The following WARS2 variants were observed in gnomAD, a reference collection of about 807,000 sequenced individuals.
WARS2 encodes the protein tryptophan--tRNA ligase, mitochondrial.
Under a neutral mutation model 36.5 loss-of-function variants are expected in WARS2, and 28 were observed. The ratio of observed to expected loss-of-function variants is 0.77; its 90% confidence interval spans 0.57 to 1.05. The LOEUF is 1.05. WARS2 is among the 50% of genes least tolerant of loss of function. The pLI is 0.00. For missense variants in WARS2, 435 were observed against 456.8 expected, an observed-to-expected ratio of 0.95 and a Z score of 0.44; for synonymous variants, 174 against 178.4, an observed-to-expected ratio of 0.98 and a Z score of 0.20.
intron 2 of WARS2, among the ~76,000 whole-genome samples, chr1:119,075,534 T>G (rs1262421731): frequency 6.6e-6 from 1 of 152,170 alleles, no homozygotes; most frequent in Non-Finnish European, 1.5e-5. Context: ...AAAACATATA[T>G]AAAAATAATG....
intron 1 of WARS2, among the ~76,000 whole-genome samples, chr1:119,089,439 C>T (rs1652894139): frequency 6.6e-6 from 1 of 152,114 alleles, no homozygotes; most frequent in South Asian, 2.1e-4. Flanking sequence ...GGTTATAAAC[C>T]ATGGCTGAGA....
chr1:119,061,043 G>A (rs1434971245), intron 2 of WARS2, among the ~76,000 whole-genome samples: 1 of 152,022 alleles, frequency 6.6e-6, no homozygotes, highest in Non-Finnish European at 1.5e-5. Context: ...AGACAATTTG[G>A]GGCTTGAGCC....
At chr1:119,094,043 A>C (rs1230397539) in intron 1 of WARS2, among the ~76,000 whole-genome samples, 1 of 152,238 alleles carries the variant, frequency 6.6e-6, no homozygotes, top group Non-Finnish European at 1.5e-5. Context: ...CATGTCAAAT[A>C]AACAAACAGC....
intron 1 of WARS2, among the ~76,000 whole-genome samples, chr1:119,132,749 T>C (rs1656206938): frequency 6.6e-6 from 1 of 152,196 alleles, no homozygotes; most frequent in Admixed American, 6.5e-5. Context: ...GTTTGATGTA[T>C]AAAATGAATT....
intron 2 of WARS2, among the ~76,000 whole-genome samples, chr1:119,048,245 G>A (rs1649021736): frequency 6.6e-6 from 1 of 152,204 alleles, no homozygotes; most frequent in Admixed American, 6.5e-5. Context: ...GAGGTTGCCT[G>A]GATCTGAATG....
rs960536067 is a variant in WARS2 at position 119,039,867 on chromosome 1, G to GA, written c.515+2396dup. Reference sequence around the variant, plus strand: ...AGGTCACACATAGATTTGCTGATAGGAAAAAAAAAACACAGATGTTTTATC... The same window carrying GA: ...AGGTCACACATAGATTTGCTGATAGGAAAAAAAAAAACACAGATGTTTTATC... On this transcript the variant is annotated intron_variant, in intron 4 of 5. Coordinates refer to ENST00000235521, the MANE Select transcript of WARS2 (RefSeq NM_015836.4). Among the ~76,000 whole-genome samples, 95 of 147,198 alleles carry GA rather than the reference G, an allele frequency of 6.5e-4. 1 individual carries two copies. The South Asian group carries it at 8.4e-3, about 13-fold the overall frequency.
At chr1:119,140,509 C>G in intron 1 of WARS2, 46 bp downstream of exon 1, 1 of 1,579,736 alleles carries the variant, frequency 6.3e-7, no homozygotes, top group South Asian at 1.1e-5. Context: ...ATGAGAAGAA[C>G]CTCGCGGGAT....
intron 2 of WARS2, among the ~76,000 whole-genome samples, chr1:119,053,409 A>G (rs1649528279): frequency 6.6e-6 from 1 of 152,210 alleles, no homozygotes; most frequent in African/African-American, 2.4e-5. Flanking sequence ...ATAAAAATGA[A>G]TAACTGGGAA....
At chr1:119,100,745 C>T (rs755504273) in intron 1 of WARS2, among the ~76,000 whole-genome samples, 7 of 152,150 alleles carry the variant, frequency 4.6e-5, no homozygotes, top group Admixed American at 1.3e-4. Flanking sequence ...ACTGTAGCTT[C>T]GACCTCCCAA....
chr1:119,095,304 TTAG>T (rs1200460837), intron 1 of WARS2, among the ~76,000 whole-genome samples: 2 of 152,362 alleles, frequency 1.3e-5, no homozygotes, highest in African/African-American at 2.4e-5. Context: ...ATTTATTAAC[TTAG>T]TAGTTTAGTC....
chr1:119,131,661 C>CCG (rs1341729191), intron 1 of WARS2, among the ~76,000 whole-genome samples: 4 of 151,984 alleles, frequency 2.6e-5, no homozygotes, highest in Non-Finnish European at 5.9e-5. Context: ...TGAGGTTTCA[C>CCG]CGTGTTAGCC....
At chr1:119,049,494 T>C (rs183212581) in intron 2 of WARS2, among the ~76,000 whole-genome samples, 2 of 152,340 alleles carry the variant, frequency 1.3e-5, no homozygotes, top group East Asian at 1.9e-4. Context: ...AAAATATGTA[T>C]AGTTGATGCC....
chr1:119,116,260 G>A (rs1244405116), intron 1 of WARS2, among the ~76,000 whole-genome samples: 4 of 152,162 alleles, frequency 2.6e-5, no homozygotes, highest in African/African-American at 9.7e-5. Flanking sequence ...ACAATGAGGA[G>A]GAGGGCTCAG....
At chr1:119,070,590 T>C (rs766212499) in intron 2 of WARS2, among the ~76,000 whole-genome samples, 4 of 29,930 alleles carry the variant, frequency 1.3e-4, no homozygotes, top group Non-Finnish European at 2.4e-4. Context: ...TAAAAATAGT[T>C]TTCTGGCCAG....
intron 1 of WARS2, among the ~76,000 whole-genome samples, chr1:119,080,815 G>A (rs1652132968): frequency 6.6e-6 from 1 of 152,186 alleles, no homozygotes; most frequent in Non-Finnish European, 1.5e-5. Context: ...AACGAAAGGA[G>A]CTTGGGCTTC....
intron 1 of WARS2, among the ~76,000 whole-genome samples, chr1:119,090,946 T>C (rs1361112441): frequency 2.0e-5 from 3 of 152,160 alleles, no homozygotes; most frequent in East Asian, 3.9e-4. Context: ...ATTGAATTAG[T>C]TGATATGTAA....
rs765473154 is a variant in WARS2, at chr1:119,057,215, G to A, written c.349-11553C>T. On this transcript the variant is annotated intron_variant, in intron 2 of 5. Transcript: ENST00000235521. ...AGGCTGGAGTCAGTGGCACGATCTC[G>A]GCTGACTGAAACCTCTGCCTCCTGG... Among the ~76,000 whole-genome samples, 17 of 151,854 alleles carry A rather than the reference G, an allele frequency of 1.1e-4. 1 individual carries two copies. Among genetic ancestry groups the A allele is most frequent in the Admixed American group, 2.6e-4 (4 of 15,254 alleles).
intron 1 of WARS2, among the ~76,000 whole-genome samples, chr1:119,135,706 T>TTAGA (rs1327404594): frequency 2.2e-5 from 3 of 138,844 alleles, no homozygotes; most frequent in Middle Eastern, 3.3e-3. Context: ...GATAGATAGA[T>TTAGA]TAGATAGACA....
At chr1:119,069,462 G>C (rs965535392) in intron 2 of WARS2, among the ~76,000 whole-genome samples, 1 of 152,102 alleles carries the variant, frequency 6.6e-6, no homozygotes, top group African/African-American at 2.4e-5. Flanking sequence ...TAAAAATGTA[G>C]ATAAATAATC....
Sources: allele counts gnomAD v4.1 joint callset (sites outside exome capture counted in the v4.1 genomes callset), GRCh38; gene constraint gnomAD v4.1.1; transcripts MANE v1.5; gene names NCBI Gene and HGNC (gene_info 2026-07-23, HGNC 2026-07-21).